Variants in NRXN3 observed in about 807,000 individuals in gnomAD.
The protein encoded by NRXN3 is neurexin 3.
A neutral mutation model predicts 137.6 loss-of-function variants in NRXN3; 32 were observed. The observed-to-expected ratio is 0.23, with a 90% confidence interval of 0.18 to 0.31. The LOEUF (loss-of-function observed/expected upper bound fraction) is 0.31, where lower values mean the gene tolerates loss of function less well. Among genes scored for constraint, NRXN3 ranks in the 10% least tolerant of loss-of-function variants. NRXN3 has a pLI of 1.00. For missense variants in NRXN3, 1,574 were observed against 2,062.5 expected (o/e 0.76, Z 4.59); for synonymous variants, 798 against 784.5 (o/e 1.02, Z -0.29).
rs1050121339 is a variant in NRXN3 at position 79,853,874 on chromosome 14, T to A, written c.4094-7468T>A. The A allele has an allele frequency of 7.3e-5, 72 of 988,354 alleles. No individual in the cohort carries two copies. In the African/African-American group the frequency reaches 1.2e-3, roughly 17 times the overall value. 61.2% of individuals were successfully genotyped at this position (988,354 alleles called of 1,614,324 possible). A position where few individuals can be genotyped will look rare whatever the true frequency, so the allele number is the denominator to read the frequency against. On this transcript the variant is annotated intron_variant, in intron 20 of 20. Transcript: ENST00000335750. ...AGGCAAATTATAAAAGTAAACAGGT[T>A]TTTTTGTTTGGTTTTTCAATCATAG...
intron 4 of NRXN3, among the ~76,000 whole-genome samples, chr14:78,398,069 C>G (rs1015953435): frequency 1.3e-5 from 2 of 151,320 alleles, no homozygotes; most frequent in Non-Finnish European, 2.9e-5. Flanking sequence ...ACAAAATTAG[C>G]TGGGCATGGT....
At chr14:78,804,439 T>C (rs1398964344) in intron 9 of NRXN3, among the ~76,000 whole-genome samples, 1 of 152,152 alleles carries the variant, frequency 6.6e-6, no homozygotes, top group Non-Finnish European at 1.5e-5. Flanking sequence ...GGAAGGAAAA[T>C]GTGTCTCCTG....
Position 79,685,249 on chromosome 14 carries a change from C to T in NRXN3, c.3617-6924C>T, listed in dbSNP as rs189599332. Among the ~76,000 whole-genome samples the T allele has an allele frequency of 1.6e-3, 236 of 152,136 alleles. 1 individual carries two copies. Among genetic ancestry groups the T allele is most frequent in the South Asian group, 1.9e-3 (9 of 4,812 alleles). ...ATATACATTTCCTTTTAATTCTCAC[C>T]GCAATCCCATGTTGCAATTATTATT... On this transcript the variant is annotated intron_variant, in intron 17 of 20. Coordinates refer to ENST00000335750, the MANE Select transcript of NRXN3 (RefSeq NM_001330195.2).
At chr14:78,393,630 C>A (rs2153644969) in intron 4 of NRXN3, among the ~76,000 whole-genome samples, 1 of 152,004 alleles carries the variant, frequency 6.6e-6, no homozygotes. Flanking sequence ...TTTAAATAAT[C>A]CTGACTATCT....
chr14:78,621,736 T>C (rs1176949149), intron 4 of NRXN3, among the ~76,000 whole-genome samples: 8 of 152,236 alleles, frequency 5.3e-5, no homozygotes, highest in African/African-American at 9.6e-5. Flanking sequence ...AGATGCCCTA[T>C]GTGTTTCGGT....
In NRXN3 at chr14:78,739,865, G is replaced by A. The variant is rs1279799464; in HGVS notation, c.2044+24726G>A. Reference sequence around the variant, plus strand: ...CTTCATCTTCTGATCTTCTGTGGGTGTGGTAGGGGCCTACTTTCTCTCAGA... The same window carrying A: ...CTTCATCTTCTGATCTTCTGTGGGTATGGTAGGGGCCTACTTTCTCTCAGA... On this transcript the variant is annotated intron_variant, in intron 8 of 20. Transcript: ENST00000335750. Among the ~76,000 whole-genome samples, 4 of 152,168 alleles carry A rather than the reference G, an allele frequency of 2.6e-5. No individual in the cohort carries two copies. In the East Asian group the frequency reaches 7.7e-4, roughly 29 times the overall value.
chr14:78,989,182 T>G (rs920135326), intron 15 of NRXN3, among the ~76,000 whole-genome samples: 10 of 152,196 alleles, frequency 6.6e-5, no homozygotes, highest in Non-Finnish European at 7.3e-5. Context: ...ACCTCTTGGT[T>G]TTAGAAAAAT....
chr14:78,788,564 C>T (rs985803118), intron 8 of NRXN3, among the ~76,000 whole-genome samples: 2 of 152,132 alleles, frequency 1.3e-5, no homozygotes, highest in East Asian at 1.9e-4. Flanking sequence ...AAAGGCTTGT[C>T]TGTTGACCTC....
chr14:79,705,640 TTTTCACCTGCCA>T (rs2098775004), intron 19 of NRXN3, among the ~76,000 whole-genome samples: 1 of 152,120 alleles, frequency 6.6e-6, no homozygotes, highest in Non-Finnish European at 1.5e-5. Context: ...TGCCTGTGCC[TTTTCACCTGCCA>T]TTTCCTCTGC....
At chr14:78,446,951 C>G (rs2094435842) in intron 4 of NRXN3, among the ~76,000 whole-genome samples, 2 of 152,202 alleles carry the variant, frequency 1.3e-5, no homozygotes, top group Non-Finnish European at 2.9e-5. Flanking sequence ...AGCCTCTGAG[C>G]TTTACTCGCC....
At position 78,458,966 on chromosome 14, in the gene NRXN3, A is replaced by G. The variant is rs939201900; in HGVS notation, c.757+161106A>G. ...TCCTTCCAACTCTGAGATTCGACCA[A>G]TGATGCCACCTGGGCACTTGGAAGA... On this transcript the variant is annotated intron_variant, in intron 4 of 20. Transcript: ENST00000335750. 1.2e-4 allele frequency among the ~76,000 whole-genome samples: 19 copies of G among 152,202 alleles called. 1 individual carries two copies. Among genetic ancestry groups the G allele is most frequent in the South Asian group, 1.0e-3 (5 of 4,828 alleles).
chr14:79,048,747 G>A (rs544096592), intron 15 of NRXN3, among the ~76,000 whole-genome samples: 20 of 151,438 alleles, frequency 1.3e-4, no homozygotes, highest in African/African-American at 4.4e-4. Flanking sequence ...AAAATAGGCC[G>A]GGCGCGGTGG....
chr14:79,459,924 C>T (rs1193496025), intron 15 of NRXN3, among the ~76,000 whole-genome samples: 7 of 152,006 alleles, frequency 4.6e-5, no homozygotes, highest in African/African-American at 1.7e-4. Flanking sequence ...TACAGCATTG[C>T]GTATTCTACC....
intron 4 of NRXN3, chr14:78,614,806 C>A: frequency 2.8e-6 from 1 of 355,768 alleles, no homozygotes; most frequent in Non-Finnish European, 5.6e-6. Flanking sequence ...CTCCCTACAG[C>A]AAATTAGGTA....
intron 15 of NRXN3, among the ~76,000 whole-genome samples, chr14:79,177,900 GAT>G (rs1346161193): frequency 1.3e-5 from 2 of 152,144 alleles, no homozygotes; most frequent in Non-Finnish European, 2.9e-5. Flanking sequence ...CATGATAAAA[GAT>G]AAAGGATGAT....
At chr14:79,264,965 T>A (rs1167017976) in intron 15 of NRXN3, among the ~76,000 whole-genome samples, 2 of 152,160 alleles carry the variant, frequency 1.3e-5, no homozygotes, top group Non-Finnish European at 2.9e-5. Flanking sequence ...ATATATCTAG[T>A]ATATATGTGT....
chr14:79,282,447 G>A (rs2081430630), intron 15 of NRXN3, among the ~76,000 whole-genome samples: 1 of 152,052 alleles, frequency 6.6e-6, no homozygotes, highest in African/African-American at 2.4e-5. Context: ...AGTAAGTGAT[G>A]GAATTTGCAG....
chr14:78,229,292 A>G (rs1428169951), intron 1 of NRXN3, among the ~76,000 whole-genome samples: 3 of 149,946 alleles, frequency 2.0e-5, no homozygotes, highest in African/African-American at 7.4e-5. Context: ...TTTTTTTTTC[A>G]ATCAGAGTCT....
intron 1 of NRXN3, among the ~76,000 whole-genome samples, chr14:78,216,395 A>G (rs2153418972): frequency 6.6e-6 from 1 of 152,270 alleles, no homozygotes; most frequent in South Asian, 2.1e-4. Flanking sequence ...GAGTAAACTG[A>G]GGTCCCACTT....
Sources: allele counts gnomAD v4.1 joint callset (sites outside exome capture counted in the v4.1 genomes callset), GRCh38; gene constraint gnomAD v4.1.1; transcripts MANE v1.5; gene names NCBI Gene and HGNC (gene_info 2026-07-23, HGNC 2026-07-21).